ANTXR2: variants seen among roughly 807,000 people sequenced by gnomAD.
ANTXR2 encodes the protein ANTXR cell adhesion molecule 2, also known as anthrax toxin receptor 2.
In ANTXR2, 44 loss-of-function variants were observed where a neutral mutation model predicts 73.7. That is an observed-to-expected ratio of 0.60 (90% CI 0.47 to 0.77). The LOEUF (loss-of-function observed/expected upper bound fraction) is 0.77, where lower values mean the gene tolerates loss of function less well. Among genes scored for constraint, ANTXR2 ranks in the 30% least tolerant of loss-of-function variants. ANTXR2 has a pLI of 0.00. For synonymous variants in ANTXR2, 217 were observed against 205.9 expected, an observed-to-expected ratio of 1.05 and a Z score of -0.46; for missense variants, 604 against 592.5, an observed-to-expected ratio of 1.02 and a Z score of -0.20.
intron 12 of ANTXR2, among the ~76,000 whole-genome samples, chr4:79,999,487 T>C (rs1047188138): frequency 2.0e-5 from 3 of 151,966 alleles, no homozygotes; most frequent in East Asian, 3.9e-4. Flanking sequence ...CAGTTTCAGG[T>C]AGTTCTTCAT....
intron 7 of ANTXR2, among the ~76,000 whole-genome samples, chr4:80,044,749 CAG>C (rs1188142675): frequency 1.3e-5 from 2 of 151,682 alleles, no homozygotes; most frequent in Non-Finnish European, 2.9e-5. Context: ...ATCTGGAAAA[CAG>C]AATGCAGTCC....
intron 16 of ANTXR2, among the ~76,000 whole-genome samples, chr4:79,913,589 T>C (rs1036478721): frequency 6.6e-6 from 1 of 152,212 alleles, no homozygotes; most frequent in African/African-American, 2.4e-5. Context: ...AATTTCTCTA[T>C]GCAATTAACA....
rs964924917 is a variant in ANTXR2, at chr4:79,987,203, G to A, written c.1042-2340C>T. ...CGGAGAAGCCCAGTGAGATACAGGAGAAGGTTGAAACCCAATCCAAGGAAA... is the reference window on the plus strand; with the variant it reads ...CGGAGAAGCCCAGTGAGATACAGGAAAAGGTTGAAACCCAATCCAAGGAAA... On this transcript the variant is annotated intron_variant, in intron 12 of 16. Transcript: ENST00000403729. 4.6e-5 allele frequency among the ~76,000 whole-genome samples: 7 copies of A among 150,882 alleles called. No individual in the cohort carries two copies. In the East Asian group the frequency reaches 1.2e-3, roughly 25 times the overall value.
At chr4:80,031,070 G>C (rs548752193) in intron 10 of ANTXR2, among the ~76,000 whole-genome samples, 1 of 151,746 alleles carries the variant, frequency 6.6e-6, no homozygotes, top group Admixed American at 6.6e-5. Context: ...GTGGTTTTTT[G>C]GCCACACAAA....
chr4:79,959,095 A>C (rs1366948023), intron 16 of ANTXR2, among the ~76,000 whole-genome samples: 3 of 152,200 alleles, frequency 2.0e-5, no homozygotes, highest in African/African-American at 7.2e-5. Context: ...GACAATAAAA[A>C]TTAAAAGCCT....
chr4:79,934,861 C>G (rs1728197951), intron 16 of ANTXR2, among the ~76,000 whole-genome samples: 2 of 150,942 alleles, frequency 1.3e-5, no homozygotes, highest in Non-Finnish European at 2.9e-5. Context: ...AAAAAACTGT[C>G]TACTCAGCAG....
chr4:79,981,125 A>T (rs13139591), intron 14 of ANTXR2, among the ~76,000 whole-genome samples: 10,569 of 152,240 alleles, frequency 0.069, 447 homozygotes, highest in Non-Finnish European at 0.1. Context: ...TTCTTAAAAA[A>T]TAAATAGATA....
chr4:80,051,383 C>G (rs946351495), intron 7 of ANTXR2, among the ~76,000 whole-genome samples: 5 of 151,634 alleles, frequency 3.3e-5, no homozygotes, highest in Non-Finnish European at 7.4e-5. Flanking sequence ...TATCCTTCTT[C>G]TAATCATAAC....
chr4:79,926,719 T>C (rs1020036294), intron 16 of ANTXR2, among the ~76,000 whole-genome samples: 2 of 152,110 alleles, frequency 1.3e-5, no homozygotes, highest in African/African-American at 4.8e-5. Context: ...TGTATTCCTA[T>C]GCCAAGCAAA....
At chr4:79,988,306 C>A (rs66968950) in intron 12 of ANTXR2, among the ~76,000 whole-genome samples, 79,313 of 131,226 alleles carry the variant, frequency 0.6, 25,350 homozygotes, top group East Asian at 0.92. Context: ...GAATAGAGAA[C>A]GATCACTCAA....
chr4:79,937,718 G>C (rs1336561592), intron 16 of ANTXR2, among the ~76,000 whole-genome samples: 4 of 152,150 alleles, frequency 2.6e-5, no homozygotes, highest in Non-Finnish European at 5.9e-5. Flanking sequence ...CCCCCTAAGA[G>C]AGGAGCCAAG....
intron 14 of ANTXR2, among the ~76,000 whole-genome samples, chr4:79,982,663 C>A (rs982736326): frequency 6.6e-6 from 1 of 152,124 alleles, no homozygotes; most frequent in African/African-American, 2.4e-5. Flanking sequence ...CACAAAAATA[C>A]ATGCAATAAC....
intron 16 of ANTXR2, among the ~76,000 whole-genome samples, chr4:79,972,418 G>A (rs1729453101): frequency 1.5e-3 from 1 of 656 alleles, no homozygotes; most frequent in Non-Finnish European, 2.4e-3. Flanking sequence ...TTCCATTACT[G>A]GGTATATACC....
rs925890944 is a variant in ANTXR2, at chr4:79,979,976, C to G, written c.1180-1802G>C. Reference sequence around the variant, plus strand: ...AAATGATAGGCTTTAGAATAGACAGCTCTCTCGCCTATGTTTCACAGTTGA... The same window carrying G: ...AAATGATAGGCTTTAGAATAGACAGGTCTCTCGCCTATGTTTCACAGTTGA... On this transcript the variant is annotated intron_variant, in intron 14 of 16. Transcript: ENST00000403729. Among the ~76,000 whole-genome samples the G allele has an allele frequency of 1.3e-5, 2 of 152,102 alleles. 1 individual carries two copies. The highest frequency in any genetic ancestry group is 2.9e-5 in the Non-Finnish European group (2 of 68,006).
At chr4:80,069,627 T>C in intron 2 of ANTXR2, 120 bp from the exon 3 acceptor site, 1 of 705,922 alleles carries the variant, frequency 1.4e-6, no homozygotes, top group South Asian at 2.0e-5. Flanking sequence ...AGGCTTCTTT[T>C]AAATGACATT....
At chr4:80,052,158 T>A (rs1378964833) in intron 7 of ANTXR2, among the ~76,000 whole-genome samples, 1 of 151,666 alleles carries the variant, frequency 6.6e-6, no homozygotes, top group Non-Finnish European at 1.5e-5. Flanking sequence ...GTAAATACAT[T>A]CCACAGTATA....
intron 16 of ANTXR2, among the ~76,000 whole-genome samples, chr4:79,928,220 C>T (rs35204490): frequency 0.13 from 19,330 of 152,174 alleles, 1,529 homozygotes; most frequent in Non-Finnish European, 0.19. Flanking sequence ...CATGAATGAA[C>T]CATAAGGCAC....
intron 12 of ANTXR2, among the ~76,000 whole-genome samples, chr4:79,998,202 C>A (rs371785783): frequency 6.6e-6 from 1 of 151,834 alleles, no homozygotes; most frequent in African/African-American, 2.4e-5. Context: ...AACTTATAGG[C>A]AAATTGGGCT....
At chr4:80,033,665 AT>A (rs1560414345) in intron 8 of ANTXR2, 95 bp from the exon 9 acceptor site, 9 of 891,490 alleles carry the variant, frequency 1.0e-5, no homozygotes, top group African/African-American at 5.4e-5. Flanking sequence ...GCAAAGAATA[AT>A]TTTTTTCATA....
Sources: gnomAD v4.1 joint callset for allele counts (sites outside exome capture counted in the v4.1 genomes callset) on GRCh38, gnomAD v4.1.1 for gene constraint, MANE v1.5 for transcripts, NCBI Gene and HGNC (gene_info 2026-07-23, HGNC 2026-07-21) for gene names.